Variants in CEP63 observed in about 807,000 individuals in gnomAD.
The protein encoded by CEP63 is centrosomal protein of 63 kDa.
A neutral mutation model predicts 89.1 loss-of-function variants in CEP63; 84 were observed. That is an observed-to-expected ratio of 0.94 (90% CI 0.79 to 1.13). CEP63 has a LOEUF of 1.13. CEP63 is among the 50% of genes most tolerant of loss of function. The pLI is 0.00. For synonymous variants in CEP63, 267 were observed against 272.5 expected (o/e 0.98, Z 0.20); for missense variants, 838 against 813.3 (o/e 1.03, Z -0.37).
At chr3:134,650,868 T>G in the CEP63 span, 1 of 1,611,844 alleles carries the variant, frequency 6.2e-7, no homozygotes, top group Non-Finnish European at 8.5e-7. Context: ...CCTGCTGGTC[T>G]GAGAGCGTAC....
the CEP63 span, among the ~76,000 whole-genome samples, chr3:134,706,181 T>G: frequency 6.6e-6 from 1 of 152,182 alleles, no homozygotes; most frequent in African/African-American, 2.4e-5. Context: ...CTTTCCACCC[T>G]GTCACGAAAA....
the CEP63 span, among the ~76,000 whole-genome samples, chr3:134,696,755 T>C: frequency 6.6e-6 from 1 of 152,210 alleles, no homozygotes; most frequent in East Asian, 1.9e-4. Context: ...CAAACATGTA[T>C]ATTGCTTTTT....
chr3:134,608,105 G>C, the CEP63 span: 19 of 1,126,772 alleles, frequency 1.7e-5, no homozygotes, highest in Non-Finnish European at 2.1e-5. Flanking sequence ...GACCCATGTT[G>C]CTCCCCATCC....
chr3:134,754,962 C>T, the CEP63 span, among the ~76,000 whole-genome samples: 3 of 152,100 alleles, frequency 2.0e-5, no homozygotes, highest in East Asian at 1.9e-4. Flanking sequence ...TCAGCTGCAC[C>T]CTGGGCTCCC....
chr3:134,515,959 C>T (rs905112206), intron 3 of CEP63, among the ~76,000 whole-genome samples: 4 of 152,170 alleles, frequency 2.6e-5, no homozygotes, highest in Non-Finnish European at 5.9e-5. Context: ...GGTTGCCCCT[C>T]CACACCTGTG....
At chr3:134,580,615 T>C (rs1958323321) in intron 10 of CEP63, among the ~76,000 whole-genome samples, 1 of 152,228 alleles carries the variant, frequency 6.6e-6, no homozygotes, top group Non-Finnish European at 1.5e-5. Context: ...AAGAAATTTA[T>C]GGACAAATAT....
the CEP63 span, among the ~76,000 whole-genome samples, chr3:134,644,190 G>A: frequency 3.9e-5 from 6 of 152,174 alleles, no homozygotes; most frequent in South Asian, 2.1e-4. Context: ...CCTAGGAGAC[G>A]GGATGATGTG....
At chr3:134,619,826 C>T in the CEP63 span, 1 of 153,684 alleles carries the variant, frequency 6.5e-6, no homozygotes, top group Admixed American at 6.4e-5. Flanking sequence ...GGGGATAGAG[C>T]AGTAACGAAG....
At chr3:134,569,115 A>G (rs1957912453), downstream of CEP63, among the ~76,000 whole-genome samples, 1 of 152,198 alleles carries the variant, frequency 6.6e-6, no homozygotes, top group Non-Finnish European at 1.5e-5. Context: ...ACCTTCCACC[A>G]GATTCCTCCC....
chr3:134,496,264 A>G (rs1939907205), intron 2 of CEP63, among the ~76,000 whole-genome samples: 1 of 152,182 alleles, frequency 6.6e-6, no homozygotes, highest in Non-Finnish European at 1.5e-5. Context: ...TAGTACTACC[A>G]GTTCACTCAA....
the CEP63 span, among the ~76,000 whole-genome samples, chr3:134,712,389 T>C: frequency 9.5e-6 from 1 of 105,220 alleles, no homozygotes; most frequent in Non-Finnish European, 2.4e-5. Context: ...CCTTAGTTTC[T>C]GTCTTTTAAA....
chr3:134,586,765 G>C (rs1958493707), intron 10 of CEP63, among the ~76,000 whole-genome samples: 1 of 152,126 alleles, frequency 6.6e-6, no homozygotes, highest in African/African-American at 2.4e-5. Flanking sequence ...AAGTTCTCCT[G>C]TATAATATCC....
chr3:134,753,239 T>C, the CEP63 span, among the ~76,000 whole-genome samples: 12 of 152,202 alleles, frequency 7.9e-5, no homozygotes, highest in African/African-American at 2.7e-4. Flanking sequence ...ACAGACCGTG[T>C]CTACTCGTTC....
chr3:134,552,141 A>G (rs956527708), intron 12 of CEP63, 129 bp downstream of exon 12: 13 of 575,692 alleles, frequency 2.3e-5, no homozygotes, highest in Admixed American at 9.0e-5. Context: ...CTCAAAGAAA[A>G]TGAAGGTAAA....
chr3:134,754,908 C>T, the CEP63 span, among the ~76,000 whole-genome samples: 1 of 152,052 alleles, frequency 6.6e-6, no homozygotes, highest in South Asian at 2.1e-4. Flanking sequence ...CTAGGAGGGA[C>T]ATTTGGGGGT....
chr3:134,652,487 C>T, the CEP63 span, among the ~76,000 whole-genome samples: 7 of 141,698 alleles, frequency 4.9e-5, no homozygotes, highest in Non-Finnish European at 1.1e-4. Flanking sequence ...CACTGGGCAT[C>T]TGATGGAAGG....
At chr3:134,763,833 T>A in the CEP63 span, among the ~76,000 whole-genome samples, 1 of 152,230 alleles carries the variant, frequency 6.6e-6, no homozygotes, top group Non-Finnish European at 1.5e-5. Context: ...CTCTTCAGGC[T>A]CCATGTGGCA....
the CEP63 span, among the ~76,000 whole-genome samples, chr3:134,709,786 G>A: frequency 2.0e-5 from 3 of 152,224 alleles, no homozygotes; most frequent in African/African-American, 7.2e-5. Flanking sequence ...ACAGAGCTGA[G>A]TTAGCAGTTA....
At chr3:134,644,552 C>A in the CEP63 span, among the ~76,000 whole-genome samples, 1 of 152,216 alleles carries the variant, frequency 6.6e-6, no homozygotes, top group Non-Finnish European at 1.5e-5. Flanking sequence ...CTCTGGCCTG[C>A]CATCTTCTCT....
Sources: gnomAD v4.1 joint callset for allele counts (sites outside exome capture counted in the v4.1 genomes callset) on GRCh38, gnomAD v4.1.1 for gene constraint, MANE v1.5 for transcripts, NCBI Gene and HGNC (gene_info 2026-07-23, HGNC 2026-07-21) for gene names.